The following PRKCE variants were observed in gnomAD, a reference collection of about 807,000 sequenced individuals.
The protein encoded by PRKCE is protein kinase C epsilon type.
A neutral mutation model predicts 85.4 loss-of-function variants in PRKCE; 16 were observed. The ratio of observed to expected loss-of-function variants is 0.19; its 90% CI spans 0.13 to 0.28. The LOEUF (loss-of-function observed/expected upper bound fraction) is 0.28. Among genes scored for constraint, PRKCE ranks in the 10% least tolerant of loss-of-function variants. The pLI is 1.00. For missense variants in PRKCE, 573 were observed against 975.2 expected, an observed-to-expected ratio of 0.59 and a Z score of 5.49; for synonymous variants, 388 against 371.5, an observed-to-expected ratio of 1.04 and a Z score of -0.51.
chr2:45,734,365 GA>G (rs1192372839), intron 1 of PRKCE, among the ~76,000 whole-genome samples: 1,862 of 124,272 alleles, frequency 0.015, 30 homozygotes, highest in African/African-American at 0.049. Context: ...CTCCATCTCA[GA>G]AAAAAAAAAA....
intron 2 of PRKCE, among the ~76,000 whole-genome samples, chr2:45,866,334 A>C (rs1430145270): frequency 6.6e-6 from 1 of 151,892 alleles, no homozygotes; most frequent in Non-Finnish European, 1.5e-5. Context: ...TTGAGATGGA[A>C]TCTCGCTCTG....
At chr2:46,046,163 AG>A (rs1279518634) in intron 10 of PRKCE, among the ~76,000 whole-genome samples, 1 of 152,214 alleles carries the variant, frequency 6.6e-6, no homozygotes, top group Non-Finnish European at 1.5e-5. Context: ...TTCTGGTGGC[AG>A]TACTGGATGA....
rs1345575636 is a variant in PRKCE, at chr2:46,187,808, T to TC, written c.*2927_*2928insC. 1 of 149,848 alleles carries TC rather than the reference T, an allele frequency of 6.7e-6. No individual in the cohort carries two copies. The highest frequency in any genetic ancestry group is 1.5e-5 in the Non-Finnish European group (1 of 67,938). 9.3% of individuals were successfully genotyped at this position (149,848 alleles called of 1,614,324 possible). ...GTAAAATGTATTCAATTTTAGGATT[T>TC]TTTTTTTTTGTATTGTGATGCTTTA... On this transcript the variant is annotated 3_prime_UTR_variant, in exon 15 of 15. Coordinates refer to ENST00000306156, the MANE Select transcript of PRKCE (RefSeq NM_005400.3).
chr2:46,170,576 G>T (rs533014659), intron 14 of PRKCE, among the ~76,000 whole-genome samples: 2 of 152,254 alleles, frequency 1.3e-5, no homozygotes, highest in East Asian at 3.9e-4. Flanking sequence ...TATATTTGTG[G>T]AATGAACAAA....
chr2:45,725,946 G>A (rs762401947), intron 1 of PRKCE, among the ~76,000 whole-genome samples: 3 of 152,158 alleles, frequency 2.0e-5, no homozygotes, highest in Non-Finnish European at 4.4e-5. Flanking sequence ...CCAGCTCCGT[G>A]GATGACTTTG....
intron 1 of PRKCE, among the ~76,000 whole-genome samples, chr2:45,691,162 G>T (rs1251374726): frequency 3.3e-5 from 5 of 152,188 alleles, no homozygotes; most frequent in African/African-American, 1.2e-4. Flanking sequence ...CCAGCGAGCT[G>T]TGTCCGTCAG....
intron 2 of PRKCE, among the ~76,000 whole-genome samples, chr2:45,966,854 C>G (rs1183913658): frequency 6.6e-6 from 1 of 152,102 alleles, no homozygotes; most frequent in Non-Finnish European, 1.5e-5. Context: ...AGCATCGGAG[C>G]AGGTTCTGCA....
At chr2:46,183,658 G>A (rs142967386) in intron 14 of PRKCE, among the ~76,000 whole-genome samples, 8 of 152,278 alleles carry the variant, frequency 5.3e-5, no homozygotes, top group African/African-American at 1.9e-4. Flanking sequence ...TGAACCCGCT[G>A]CCCTGTGTAT....
intron 10 of PRKCE, among the ~76,000 whole-genome samples, chr2:46,077,441 G>T (rs1169014048): frequency 6.6e-6 from 1 of 152,028 alleles, no homozygotes; most frequent in Admixed American, 6.6e-5. Context: ...AAAAAGAAAA[G>T]AACTAATCAT....
chr2:46,069,509 A>G (rs1041643968), intron 10 of PRKCE, among the ~76,000 whole-genome samples: 1 of 152,250 alleles, frequency 6.6e-6, no homozygotes, highest in Non-Finnish European at 1.5e-5. Context: ...TTTTCTAACC[A>G]TTTAAAAAAT....
rs187214789 is a variant in PRKCE, at chr2:45,812,646, G to A, written c.349-30354G>A. Among the ~76,000 whole-genome samples the A allele has an allele frequency of 2.7e-3, 412 of 152,342 alleles. 4 individuals carry two copies. Among genetic ancestry groups the A allele is most frequent in the African/African-American group, 9.8e-3 (406 of 41,580 alleles). ...GACGTAAAACACTTATTACGCCCGT[G>A]CCTGGCCCATAGTATTAGTAAATGC... On this transcript the variant is annotated intron_variant, in intron 1 of 14. Transcript: ENST00000306156.
At chr2:45,894,816 G>T (rs1696009017) in intron 2 of PRKCE, among the ~76,000 whole-genome samples, 1 of 152,166 alleles carries the variant, frequency 6.6e-6, no homozygotes, top group African/African-American at 2.4e-5. Flanking sequence ...TCCGCCTCCT[G>T]GGTTCAAGCA....
chr2:46,172,084 T>C (rs962040169), intron 14 of PRKCE, among the ~76,000 whole-genome samples: 6 of 152,244 alleles, frequency 3.9e-5, no homozygotes, highest in African/African-American at 1.4e-4. Flanking sequence ...AGTTCGACTC[T>C]TGGAGGGCCA....
intron 5 of PRKCE, among the ~76,000 whole-genome samples, chr2:45,982,218 G>A (rs1220048230): frequency 1.4e-5 from 2 of 146,166 alleles, no homozygotes; most frequent in Admixed American, 6.7e-5. Flanking sequence ...CAGGGTGATG[G>A]GCTTGCCCTC....
At chr2:45,894,498 T>C (rs144102602) in intron 2 of PRKCE, among the ~76,000 whole-genome samples, 163 of 151,446 alleles carry the variant, frequency 1.1e-3, no homozygotes, top group African/African-American at 3.7e-3. Context: ...ATGACACATC[T>C]TTGCAGGGTG....
At chr2:45,864,982 C>A (rs1693468641) in intron 2 of PRKCE, among the ~76,000 whole-genome samples, 1 of 152,202 alleles carries the variant, frequency 6.6e-6, no homozygotes, top group Non-Finnish European at 1.5e-5. Flanking sequence ...AATTTACATT[C>A]CTAAGTTCTC....
chr2:45,672,933 A>G (rs1222907332), intron 1 of PRKCE, among the ~76,000 whole-genome samples: 1 of 152,164 alleles, frequency 6.6e-6, no homozygotes, highest in Admixed American at 6.5e-5. Flanking sequence ...AGGCTGAGGC[A>G]GGAAGACTGC....
At chr2:46,113,385 C>G (rs888763030) in intron 11 of PRKCE, among the ~76,000 whole-genome samples, 1 of 152,182 alleles carries the variant, frequency 6.6e-6, no homozygotes, top group Non-Finnish European at 1.5e-5. Flanking sequence ...ATTTTAGTCA[C>G]CTGAAAATAT....
intron 10 of PRKCE, among the ~76,000 whole-genome samples, chr2:46,030,530 C>T (rs1249365986): frequency 6.6e-6 from 1 of 152,098 alleles, no homozygotes; most frequent in African/African-American, 2.4e-5. Context: ...TGCCCCCCTC[C>T]CTGGGGATTC....
Sources: allele counts gnomAD v4.1 joint callset (sites outside exome capture counted in the v4.1 genomes callset), GRCh38; gene constraint gnomAD v4.1.1; transcripts MANE v1.5; gene names NCBI Gene and HGNC (gene_info 2026-07-23, HGNC 2026-07-21).